The following NAV2 variants were observed in gnomAD, a reference collection of about 807,000 sequenced individuals.
NAV2 encodes the protein neuron navigator 2.
In NAV2, 54 loss-of-function variants were observed where a neutral mutation model predicts 223.2. That is an observed-to-expected ratio of 0.24 (90% confidence interval 0.19 to 0.30). The LOEUF (loss-of-function observed/expected upper bound fraction) is 0.30, where lower values mean the gene tolerates loss of function less well. Among genes scored for constraint, NAV2 ranks in the 10% least tolerant of loss-of-function variants. The probability of loss-of-function intolerance (pLI) is 1.00; values close to 1 mark genes in which losing one functional copy is unlikely to be tolerated. For synonymous variants in NAV2, 1,279 were observed against 1,239.3 expected (o/e 1.03, Z -0.67); for missense variants, 2,806 against 3,147.5 (o/e 0.89, Z 2.60).
chr11:19,602,249 C>T (rs1306726119), intron 1 of NAV2, among the ~76,000 whole-genome samples: 1 of 149,270 alleles, frequency 6.7e-6, no homozygotes, highest in Non-Finnish European at 1.5e-5. Context: ...GTGACCTCAG[C>T]TCACCACAAC....
intron 1 of NAV2, among the ~76,000 whole-genome samples, chr11:19,618,044 C>A (rs1008879935): frequency 6.6e-6 from 1 of 152,256 alleles, no homozygotes; most frequent in Non-Finnish European, 1.5e-5. Context: ...TCATCATCTT[C>A]TCACATACTC....
intron 1 of NAV2, among the ~76,000 whole-genome samples, chr11:19,795,393 T>G (rs1248838280): frequency 1.3e-5 from 2 of 152,252 alleles, no homozygotes; most frequent in Non-Finnish European, 2.9e-5. Flanking sequence ...CTTATTTACT[T>G]GTTTCCTTCA....
chr11:19,790,829 G>C (rs1296436304), intron 1 of NAV2, among the ~76,000 whole-genome samples: 3 of 151,882 alleles, frequency 2.0e-5, no homozygotes, highest in Admixed American at 6.6e-5. Context: ...GAATATTAGG[G>C]CTGGATCTGC....
chr11:20,097,646 A>G lies in NAV2; in HGVS notation c.6082A>G (p.Ile2028Val). The change falls in exon 31 of 38, where the codon ATT becomes GTT. Residue 2028 changes from isoleucine (I) to valine (V), a missense_variant. Coordinates refer to ENST00000349880, the MANE Select transcript of NAV2 (RefSeq NM_145117.5). ...LNSDSVLGYS[I>V]GEIKRSNTSE... is the part of the protein sequence containing the mutation. ...TTCAGACAGCGTTCTTGGCTACAGC[A>G]TTGGAGAAATCAAGCGCAGCAACAC... 2.5e-6 allele frequency: 4 copies of G among 1,613,796 alleles called. No individual in the cohort carries two copies. The highest frequency in any genetic ancestry group is 1.3e-5 in the African/African-American group (1 of 75,044).
chr11:20,073,502 A>C (rs2059533743), intron 22 of NAV2, among the ~76,000 whole-genome samples: 1 of 152,216 alleles, frequency 6.6e-6, no homozygotes, highest in African/African-American at 2.4e-5. Context: ...ATAGTTTCAC[A>C]AGGAATGGTA....
chr11:19,957,553 G>A (rs1209332852), intron 10 of NAV2, among the ~76,000 whole-genome samples: 1 of 152,200 alleles, frequency 6.6e-6, no homozygotes. Context: ...GATGGCTGGG[G>A]CAGCATAAAC....
chr11:19,978,153 G>A (rs951196710), intron 10 of NAV2, among the ~76,000 whole-genome samples: 21 of 151,990 alleles, frequency 1.4e-4, no homozygotes, highest in African/African-American at 5.1e-4. Context: ...AAAGGATGCA[G>A]GCAGCTTTGT....
intron 3 of NAV2, among the ~76,000 whole-genome samples, chr11:19,856,887 A>G (rs1272317921): frequency 6.6e-6 from 1 of 152,222 alleles, no homozygotes; most frequent in Non-Finnish European, 1.5e-5. Context: ...AGTACACACT[A>G]TCGTTGGAAT....
intron 26 of NAV2, 43 bp downstream of exon 26, chr11:20,083,222 G>T: frequency 1.3e-6 from 2 of 1,544,598 alleles, no homozygotes; most frequent in South Asian, 2.4e-5. Context: ...TGGCCCCTGA[G>T]AACCTTCTCC....
In NAV2 at chr11:19,768,032, C is replaced by G. The variant is rs1455764591; in HGVS notation, c.267+54070C>G. On this transcript the variant is annotated intron_variant, in intron 1 of 37. Transcript: ENST00000349880. ...TAAGAGCTAAGGGTTCCAGCTGGGA[C>G]AGCAAATCCTCAGCAATCCTGGGAA... Among the ~76,000 whole-genome samples, 3 of 152,260 alleles carry G rather than the reference C, an allele frequency of 2.0e-5. No homozygotes were observed. The East Asian group carries it at 5.8e-4, about 29-fold the overall frequency.
chr11:19,694,892 G>A (rs1390897902), intron 1 of NAV2, among the ~76,000 whole-genome samples: 2 of 152,202 alleles, frequency 1.3e-5, no homozygotes, highest in African/African-American at 2.4e-5. Flanking sequence ...GGTGGGATCT[G>A]CTGACATGTT....
chr11:19,447,054 C>G (rs1356354052), intron 1 of NAV2, among the ~76,000 whole-genome samples: 2 of 152,138 alleles, frequency 1.3e-5, no homozygotes, highest in Non-Finnish European at 2.9e-5. Flanking sequence ...CTATGTATCC[C>G]CTCCCCGGAA....
chr11:19,394,774 G>A (rs1367171882), intron 1 of NAV2, among the ~76,000 whole-genome samples: 1 of 152,208 alleles, frequency 6.6e-6, no homozygotes, highest in Non-Finnish European at 1.5e-5. Flanking sequence ...GTGAGGTGGG[G>A]AGTGGTGGCA....
At chr11:20,043,139 C>T (rs1166283386) in intron 12 of NAV2, among the ~76,000 whole-genome samples, 1 of 152,192 alleles carries the variant, frequency 6.6e-6, no homozygotes, top group African/African-American at 2.4e-5. Context: ...CCCTCAGCTC[C>T]TGGCTCTCCC....
chr11:19,586,791 G>C lies in NAV2; in HGVS notation c.75+235764G>C, dbSNP rs193282401. Among the ~76,000 whole-genome samples the C allele has an allele frequency of 4.9e-4, 74 of 152,344 alleles. 1 individual carries two copies. Among genetic ancestry groups the C allele is most frequent in the Non-Finnish European group, 7.4e-5 (5 of 68,022 alleles). Reference sequence around the variant, plus strand: ...GTGTAAGGGTCAGTCTGCCCCTACTGGGGGGTGCCTCCCAGTTAGGCTACT... The same window carrying C: ...GTGTAAGGGTCAGTCTGCCCCTACTCGGGGGTGCCTCCCAGTTAGGCTACT... On this transcript the variant is annotated intron_variant, in intron 1 of 37. Coordinates refer to the NAV2 transcript ENST00000360655.
At chr11:19,439,140 A>G (rs1473458032) in intron 1 of NAV2, among the ~76,000 whole-genome samples, 1 of 152,180 alleles carries the variant, frequency 6.6e-6, no homozygotes. Flanking sequence ...AGGGGCTTGT[A>G]TGAATAGCAA....
rs149389231 is a variant in NAV2 at position 19,928,518 on chromosome 11, G to A, written c.932-4658G>A. On this transcript the variant is annotated intron_variant, in intron 6 of 37. Transcript: ENST00000349880. Reference sequence around the variant, plus strand: ...TTCAGATATTTGAGGAAAATAACAAGAGTTGTTAGTTATCAGGGAAATAAG... The same window carrying A: ...TTCAGATATTTGAGGAAAATAACAAAAGTTGTTAGTTATCAGGGAAATAAG... Among the ~76,000 whole-genome samples the A allele has an allele frequency of 9.6e-4, 146 of 152,268 alleles. 4 individuals carry two copies. The East Asian group carries it at 0.016, about 17-fold the overall frequency.
chr11:19,404,593 A>G (rs1038529410), intron 1 of NAV2, among the ~76,000 whole-genome samples: 1 of 151,884 alleles, frequency 6.6e-6, no homozygotes, highest in Admixed American at 6.5e-5. Flanking sequence ...TTTTTTTTTG[A>G]GTATGGTATA....
chr11:19,944,967 C>T (rs1177256590), intron 8 of NAV2, among the ~76,000 whole-genome samples: 3 of 139,248 alleles, frequency 2.2e-5, no homozygotes, highest in Non-Finnish European at 3.1e-5. Context: ...CTTTCCGTTC[C>T]GTTCCTTTTC....
Sources: allele counts gnomAD v4.1 joint callset (sites outside exome capture counted in the v4.1 genomes callset), GRCh38; gene constraint gnomAD v4.1.1; transcripts MANE v1.5; gene names NCBI Gene and HGNC (gene_info 2026-07-23, HGNC 2026-07-21).